Variants in HDAC7 observed in about 807,000 individuals in gnomAD.
HDAC7 encodes the protein histone deacetylase 7A.
A neutral mutation model predicts 115.5 loss-of-function variants in HDAC7; 26 were observed. The observed-to-expected ratio is 0.23, with a 90% confidence interval of 0.16 to 0.31. The LOEUF is 0.31. Among genes scored for constraint, HDAC7 ranks in the 10% least tolerant of loss-of-function variants. The pLI is 1.00. For missense variants in HDAC7, 1,068 were observed against 1,329.0 expected (o/e 0.80, Z 3.05); for synonymous variants, 564 against 550.9 (o/e 1.02, Z -0.33).
At chr12:47,807,244 G>A (rs1234001959) in intron 1 of HDAC7, among the ~76,000 whole-genome samples, 2 of 152,054 alleles carry the variant, frequency 1.3e-5, no homozygotes, top group East Asian at 3.9e-4. Context: ...CCAGCCCCCT[G>A]CCCTATCTCT....
chr12:47,813,745 G>A lies in HDAC7; in HGVS notation c.19+6022C>T, dbSNP rs1319776840. Among the ~76,000 whole-genome samples, 3 of 152,334 alleles carry A rather than the reference G, an allele frequency of 2.0e-5. No individual in the cohort carries two copies. The East Asian group carries it at 5.8e-4, about 29-fold the overall frequency. On this transcript the variant is annotated intron_variant, in intron 1 of 25. Coordinates refer to ENST00000080059, the MANE Select transcript of HDAC7 (RefSeq NM_015401.5). ...CTTGGGCGGGAAGGCCTGGGAGTCGGGAAGAGCACTGAGCAGCCTCCAGAG... is the reference window on the plus strand; with the variant it reads ...CTTGGGCGGGAAGGCCTGGGAGTCGAGAAGAGCACTGAGCAGCCTCCAGAG...
At chr12:47,819,733 A>AGGGCG (rs1283953716) in intron 1 of HDAC7, 34 bp downstream of exon 1, 2 of 718,608 alleles carry the variant, frequency 2.8e-6, no homozygotes, top group African/African-American at 2.1e-5. Flanking sequence ...TGCCGCGCGC[A>AGGGCG]GGGCGGGGCG....
chr12:47,805,605 C>G (rs1393935430), intron 1 of HDAC7, among the ~76,000 whole-genome samples: 1 of 152,188 alleles, frequency 6.6e-6, no homozygotes, highest in Non-Finnish European at 1.5e-5. Flanking sequence ...TCAGGAAGAT[C>G]CAAGAACAAA....
In HDAC7 at chr12:47,798,240, G is replaced by C; in HGVS notation, c.350-21C>G. The C allele has an allele frequency of 6.3e-7, 1 of 1,585,868 alleles. No homozygotes were observed. The highest frequency in any genetic ancestry group is 8.7e-7 in the Non-Finnish European group (1 of 1,155,002). On this transcript the variant is annotated intron_variant, in intron 4 of 25. Coordinates refer to ENST00000080059, the MANE Select transcript of HDAC7 (RefSeq NM_015401.5). The surrounding 1 kb of genome is among the most constrained non-coding windows in gnomAD (Gnocchi z 4.3). ...AGCACCTGTAGGGGCAGAGTCAGGA[G>C]GGGGCTGGAGGTGGGTGGACAGGCG...
At chr12:47,818,195 G>C (rs1944903175) in intron 1 of HDAC7, among the ~76,000 whole-genome samples, 1 of 152,106 alleles carries the variant, frequency 6.6e-6, no homozygotes, top group Admixed American at 6.5e-5. Flanking sequence ...CGCCGAATAA[G>C]GGACACAGAG....
chr12:47,789,063 T>G, intron 19 of HDAC7, 198 bp downstream of exon 19: 1 of 588,114 alleles, frequency 1.7e-6, no homozygotes, highest in East Asian at 2.8e-5. Context: ...GATGGCTGAA[T>G]GCGTTCCCAC....
At chr12:47,818,503 A>AT (rs1944912931) in intron 1 of HDAC7, among the ~76,000 whole-genome samples, 2 of 152,198 alleles carry the variant, frequency 1.3e-5, no homozygotes, top group Non-Finnish European at 2.9e-5. Flanking sequence ...GGGAGGGGGA[A>AT]AGGGCCGCCA....
chr12:47,784,006 C>G, intron 25 of HDAC7, 73 bp downstream of exon 25: 1 of 1,602,442 alleles, frequency 6.2e-7, no homozygotes, highest in South Asian at 1.1e-5. Flanking sequence ...GCATAGCGGA[C>G]CCGGGGTCTT....
At position 47,791,602 on chromosome 12, in the gene HDAC7, G is replaced by A. The variant is rs1565801031; in HGVS notation, c.1917C>T (p.Asp639=). The A allele has an allele frequency of 6.2e-7, 1 of 1,610,024 alleles. No homozygotes were observed. The highest frequency in any genetic ancestry group is 1.1e-5 in the South Asian group (1 of 90,444). The stretch of plus-strand genomic sequence containing the variant: ...GGCCATTACCTGCCAGCTTCCCGTT[G>A]TCCAGTTTGAGGCGGCTGAGCGGGT... ...GTNPLSRLKL[D]NGKLAGLLAQ... The change falls in exon 15 of 26, where the codon GAC becomes GAT. Residue 639 remains aspartate, a synonymous_variant. Transcript: ENST00000080059.
At position 47,795,199 on chromosome 12, in the gene HDAC7, G is replaced by C. The variant is rs764123625; in HGVS notation, c.1269C>G (p.His423Gln). ...MQPRLEQLKT[H>Q]VQVIKRSAKP... ...TTCCTCTCACCTTGATCACCTGGAC[G>C]TGAGTTTTGAGCTGCTCCAGGCGGG... Residue 423 changes from histidine to glutamine, a missense_variant, in exon 11 of 26, where the codon CAC becomes CAG. His to Gln is a conservative substitution (Grantham distance 24). This residue lies in a region of HDAC7 where 618 missense variants were observed against 701.5 expected (regional missense o/e 0.88). Transcript: ENST00000080059. This position sits in a 1 kb window ranked among gnomAD's most constrained non-coding sequence, Gnocchi z 4.3. 1 of 1,612,552 alleles carries C rather than the reference G, an allele frequency of 6.2e-7. No individual in the cohort carries two copies. Among genetic ancestry groups the C allele is most frequent in the Non-Finnish European group, 8.5e-7 (1 of 1,179,136 alleles).
chr12:47,784,049 G>C, intron 25 of HDAC7, 30 bp downstream of exon 25: 2 of 1,609,990 alleles, frequency 1.2e-6, no homozygotes, highest in Non-Finnish European at 1.7e-6. Flanking sequence ...TGGAGAGGCT[G>C]TGGGCCCAGG....
At chr12:47,790,108 T>C (rs1943399489) in intron 16 of HDAC7, 188 bp from the exon 17 acceptor site, 2 of 594,026 alleles carry the variant, frequency 3.4e-6, no homozygotes, top group Non-Finnish European at 6.0e-6. Context: ...CATGACTTTT[T>C]CCCAGCTTAA....
intron 1 of HDAC7, among the ~76,000 whole-genome samples, chr12:47,811,356 A>C (rs935801998): frequency 6.6e-6 from 1 of 152,104 alleles, no homozygotes; most frequent in African/African-American, 2.4e-5. Flanking sequence ...CACTCAACAG[A>C]CAGATGGCAT....
chr12:47,786,413 C>T (rs568280975), intron 22 of HDAC7, among the ~76,000 whole-genome samples, 172 bp downstream of exon 22: 1 of 152,328 alleles, frequency 6.6e-6, no homozygotes, highest in South Asian at 2.1e-4. Context: ...GGGCTGTGCT[C>T]GGCTAGGAGA....
chr12:47,783,828 T>A lies in HDAC7; in HGVS notation c.*13A>T. 6.2e-7 allele frequency: 1 copy of A among 1,609,956 alleles called. No individual in the cohort carries two copies. The highest frequency in any genetic ancestry group is 8.5e-7 in the Non-Finnish European group (1 of 1,178,776). On this transcript the variant is annotated 3_prime_UTR_variant, in exon 26 of 26. Transcript: ENST00000080059. Reference sequence around the variant, plus strand: ...CCCAAGGGCATGGTGGGCGGGCAGATGGTTCCAGAGCCTTAGAGATTCATA... The same window carrying A: ...CCCAAGGGCATGGTGGGCGGGCAGAAGGTTCCAGAGCCTTAGAGATTCATA...
intron 13 of HDAC7, chr12:47,792,733 T>C: frequency 2.2e-6 from 1 of 451,818 alleles, no homozygotes; most frequent in Non-Finnish European, 4.5e-6. Context: ...TAAGCTATAA[T>C]CTAAATGTCT....
At chr12:47,809,326 T>C (rs531355507) in intron 1 of HDAC7, among the ~76,000 whole-genome samples, 9 of 152,286 alleles carry the variant, frequency 5.9e-5, no homozygotes, top group African/African-American at 1.9e-4. Flanking sequence ...CTCTCCCAGC[T>C]GCAGGCCGAG....
At chr12:47,789,615 G>T (rs2136926619) in intron 17 of HDAC7, 37 bp from the exon 18 acceptor site, 1 of 1,609,694 alleles carries the variant, frequency 6.2e-7, no homozygotes, top group Non-Finnish European at 8.5e-7. Flanking sequence ...TCAACAGACA[G>T]CTCTGACCCA....
At position 47,782,843 on chromosome 12, in the gene HDAC7, TCACACACACGCTCACA is replaced by T. The variant is rs1004315230; in HGVS notation, c.*982_*997del. ...GGAAAGACACACACACACGCCTCACTCACACACACGCTCACACACACGCCTCACTCACACACATGCT... is the reference window on the plus strand; with the variant it reads ...GGAAAGACACACACACACGCCTCACTCACACGCCTCACTCACACACATGCT... On this transcript the variant is annotated 3_prime_UTR_variant, in exon 26 of 26. Coordinates refer to ENST00000080059, the MANE Select transcript of HDAC7 (RefSeq NM_015401.5). 18 of 78,228 alleles carry T rather than the reference TCACACACACGCTCACA, an allele frequency of 2.3e-4. No individual in the cohort carries two copies. Among genetic ancestry groups the T allele is most frequent in the Admixed American group, 1.9e-3 (17 of 8,730 alleles). The allele number at this position is 78,228 out of a possible 1,614,324, so 4.8% of individuals were successfully genotyped here.
Sources: gnomAD v4.1 joint callset for allele counts (sites outside exome capture counted in the v4.1 genomes callset) on GRCh38, gnomAD v4.1.1 for gene constraint, gnomAD v4.1.1 regional missense constraint, Gnocchi (gnomAD v3.1) non-coding constraint, MANE v1.5 for transcripts, NCBI Gene and HGNC (gene_info 2026-07-23, HGNC 2026-07-21) for gene names.